The following CCNH variants were observed in gnomAD, a reference collection of about 807,000 sequenced individuals.
CCNH encodes the protein cyclin H.
In CCNH, 31 loss-of-function variants were observed where a neutral mutation model predicts 41.9. The ratio of observed to expected loss-of-function variants is 0.74; its 90% CI spans 0.56 to 1.00. The LOEUF is 1.00. Among genes scored for constraint, CCNH ranks in the 50% least tolerant of loss-of-function variants. The pLI, the probability that CCNH is intolerant of heterozygous loss-of-function variation, is 0.00. For missense variants in CCNH, 362 were observed against 388.4 expected (o/e 0.93, Z 0.57); for synonymous variants, 138 against 136.1 (o/e 1.01, Z -0.10).
At chr5:87,409,390 A>T in intron 2 of CCNH, 27 bp from the exon 3 acceptor site, 1 of 1,254,104 alleles carries the variant, frequency 8.0e-7, no homozygotes, top group African/African-American at 1.5e-5. Context: ...ATATATCATC[A>T]GGATCTAGTC....
At chr5:87,388,928 C>T (rs1034690971), downstream of CCNH, among the ~76,000 whole-genome samples, 2 of 152,118 alleles carry the variant, frequency 1.3e-5, no homozygotes, top group African/African-American at 4.8e-5. Flanking sequence ...CCACACCCCC[C>T]ACCCCTTATT....
At chr5:87,384,570 T>G (rs1262672653) in intron 9 of CCNH, among the ~76,000 whole-genome samples, 2 of 152,160 alleles carry the variant, frequency 1.3e-5, no homozygotes, top group Non-Finnish European at 2.9e-5. Flanking sequence ...ATTATTAATA[T>G]TAAGGGTTTG....
Position 87,394,370 on chromosome 5 carries a change from T to TA in CCNH, c.*75_*76insT. ...TATTTTATGTTTTCACATTATACTT[T>TA]TTAAATAAAGTTAAACGTTTGATAT... On this transcript the variant is annotated 3_prime_UTR_variant, in exon 9 of 9. Coordinates refer to ENST00000256897, the MANE Select transcript of CCNH (RefSeq NM_001239.4). 6.4e-7 allele frequency: 1 copy of TA among 1,556,284 alleles called. No individual in the cohort carries two copies. Among genetic ancestry groups the TA allele is most frequent in the Non-Finnish European group, 8.7e-7 (1 of 1,151,454 alleles).
chr5:87,407,885 G>A (rs532625319), intron 4 of CCNH, 91 bp downstream of exon 4: 12 of 950,822 alleles, frequency 1.3e-5, no homozygotes, highest in South Asian at 7.4e-5. Context: ...CTATAACAAC[G>A]AGGATGATTA....
chr5:87,375,887 GATAAAAT>G (rs1303452682), downstream of CCNH, among the ~76,000 whole-genome samples: 1 of 152,056 alleles, frequency 6.6e-6, no homozygotes, highest in Non-Finnish European at 1.5e-5. Context: ...TTACTTTTAC[GATAAAAT>G]CCAAACCCCA....
At chr5:87,322,274 C>T (rs1486455405) in intron 9 of CCNH, among the ~76,000 whole-genome samples, 1 of 152,154 alleles carries the variant, frequency 6.6e-6, no homozygotes, top group East Asian at 1.9e-4. Context: ...ACTGTCTGAG[C>T]TCCACCTTCT....
upstream of CCNH, chr5:87,379,921 G>T (rs915557025): frequency 4.1e-6 from 6 of 1,457,116 alleles, no homozygotes; most frequent in South Asian, 3.5e-5. Context: ...TTTCTAAAAC[G>T]TGAAAGCTTT....
At chr5:87,396,641 A>C (rs1762987332) in intron 7 of CCNH, among the ~76,000 whole-genome samples, 1 of 151,808 alleles carries the variant, frequency 6.6e-6, no homozygotes, top group Admixed American at 6.6e-5. Flanking sequence ...AACAAACAAA[A>C]AAGCCAGAAA....
In CCNH at chr5:87,411,322, G is replaced by A. The variant is rs1227352914; in HGVS notation, c.142C>T (p.Leu48Phe). 3.7e-6 allele frequency: 6 copies of A among 1,611,666 alleles called. No individual in the cohort carries two copies. The change falls in exon 2 of 9, where the codon CTT becomes TTT. Residue 48 changes from leucine to phenylalanine, a missense_variant. Leu to Phe is a conservative substitution (Grantham distance 22). Coordinates refer to ENST00000256897, the MANE Select transcript of CCNH (RefSeq NM_001239.4). ...AGTGTCATTTCTTCATGAGGCTCAA[G>A]AAAGACTGGATCATTCGGAAGAACC... is the stretch of plus-strand genomic sequence containing the variant. ...GKVLPNDPVF[L>F]EPHEEMTLCK...
chr5:87,394,374 AAT>A lies in CCNH; in HGVS notation c.*70_*71del. 1.9e-6 allele frequency: 3 copies of A among 1,558,662 alleles called. No individual in the cohort carries two copies. Among genetic ancestry groups the A allele is most frequent in the South Asian group, 1.2e-5 (1 of 82,314 alleles). ...TTATGTTTTCACATTATACTTTTTA[AAT>A]AAAGTTAAACGTTTGATATGCTTCC... is the stretch of plus-strand genomic sequence containing the variant. On this transcript the variant is annotated 3_prime_UTR_variant, in exon 9 of 9. Transcript: ENST00000256897.
chr5:87,344,678 ATTTTTT>A (rs113174684), intron 9 of CCNH, among the ~76,000 whole-genome samples: 12 of 131,216 alleles, frequency 9.1e-5, no homozygotes, highest in African/African-American at 1.4e-4. Flanking sequence ...AAATGTTGTA[ATTTTTT>A]TTTTTTTTTT....
intron 9 of CCNH, among the ~76,000 whole-genome samples, chr5:87,338,881 G>A (rs765943319): frequency 6.6e-6 from 1 of 151,602 alleles, no homozygotes; most frequent in Non-Finnish European, 1.5e-5. Context: ...TTTGAATCTC[G>A]TCCTTGTTTT....
intron 9 of CCNH, among the ~76,000 whole-genome samples, chr5:87,361,216 G>A (rs568347963): frequency 6.6e-6 from 1 of 152,312 alleles, no homozygotes; most frequent in East Asian, 1.9e-4. Flanking sequence ...CTGTGTTCCA[G>A]TAAAACTTTA....
chr5:87,374,278 G>C, downstream of CCNH: 1 of 1,604,984 alleles, frequency 6.2e-7, no homozygotes, highest in Non-Finnish European at 8.5e-7. Flanking sequence ...ACTCATGCAA[G>C]GGAAGGGCAA....
chr5:87,375,947 G>A (rs1580384810), downstream of CCNH, among the ~76,000 whole-genome samples: 1 of 152,112 alleles, frequency 6.6e-6, no homozygotes, highest in East Asian at 1.9e-4. Context: ...TATTTGAAGT[G>A]CTCTTTTTTC....
At chr5:87,356,918 G>C (rs1759695715) in intron 9 of CCNH, among the ~76,000 whole-genome samples, 3 of 152,070 alleles carry the variant, frequency 2.0e-5, no homozygotes, top group Admixed American at 2.0e-4. Context: ...AGGTCTATGA[G>C]AACAGAGATT....
intron 9 of CCNH, among the ~76,000 whole-genome samples, chr5:87,345,890 A>T (rs1253343322): frequency 6.6e-6 from 1 of 152,142 alleles, no homozygotes; most frequent in Non-Finnish European, 1.5e-5. Context: ...AGATGTGTTA[A>T]TCAGCAAGAT....
At chr5:87,338,521 A>T (rs1194090426) in intron 9 of CCNH, among the ~76,000 whole-genome samples, 25 of 99,726 alleles carry the variant, frequency 2.5e-4, no homozygotes, top group East Asian at 1.3e-3. Context: ...ATATATATAT[A>T]TATATATATA....
At position 87,394,718 on chromosome 5, in the gene CCNH, T is replaced by C. The variant is rs758155759; in HGVS notation, c.934-234A>G. 5 of 1,337,348 alleles carry C rather than the reference T, an allele frequency of 3.7e-6. No individual in the cohort carries two copies. In the East Asian group the frequency reaches 8.5e-5, roughly 23 times the overall value. 82.8% of individuals were successfully genotyped at this position (1,337,348 alleles called of 1,614,324 possible). On this transcript the variant is annotated intron_variant, in intron 8 of 8. Transcript: ENST00000256897. ...CCTTTTGCCTCTGATTATTCACTTA[T>C]TTGACTTGACAGATAGAAAATTTTT...
Sources: gnomAD v4.1 joint callset for allele counts (sites outside exome capture counted in the v4.1 genomes callset) on GRCh38, gnomAD v4.1.1 for gene constraint, MANE v1.5 for transcripts, NCBI Gene and HGNC (gene_info 2026-07-23, HGNC 2026-07-21) for gene names.